Variants in CALN1 observed in about 807,000 individuals in gnomAD.
CALN1 encodes the protein calcium-binding protein 8.
A neutral mutation model predicts 30.6 loss-of-function variants in CALN1; 17 were observed. That is an observed-to-expected ratio of 0.56 (90% CI 0.38 to 0.83). The LOEUF (loss-of-function observed/expected upper bound fraction) is 0.83. CALN1 is among the 40% of genes least tolerant of loss of function. The probability of loss-of-function intolerance (pLI) is 0.00; values close to 1 mark genes in which losing one functional copy is unlikely to be tolerated. For missense variants in CALN1, 291 were observed against 354.9 expected, an observed-to-expected ratio of 0.82 and a Z score of 1.45; for synonymous variants, 156 against 131.4, an observed-to-expected ratio of 1.19 and a Z score of -1.28.
the CALN1 span, among the ~76,000 whole-genome samples, chr7:72,467,484 C>T: frequency 6.6e-6 from 1 of 152,198 alleles, no homozygotes; most frequent in South Asian, 2.1e-4. Context: ...CCGGAGAGAG[C>T]CTTATAAAAC....
intron 5 of CALN1, among the ~76,000 whole-genome samples, chr7:71,939,252 A>G (rs996124067): frequency 5.9e-5 from 9 of 151,976 alleles, no homozygotes; most frequent in Non-Finnish European, 8.8e-5. Context: ...CCACAGTCTC[A>G]ATACACTTAA....
chr7:71,813,156 C>T (rs1788064051), intron 5 of CALN1, among the ~76,000 whole-genome samples: 2 of 148,910 alleles, frequency 1.3e-5, no homozygotes, highest in South Asian at 4.3e-4. Flanking sequence ...GCTATGTTGC[C>T]TGCCTCAGAC....
chr7:72,332,500 G>A (rs1801743341), intron 2 of CALN1, among the ~76,000 whole-genome samples: 1 of 151,618 alleles, frequency 6.6e-6, no homozygotes, highest in African/African-American at 2.4e-5. Flanking sequence ...CAGCTACTTG[G>A]ACCAAATTGA....
At chr7:72,063,054 A>G (rs1803773505) in intron 4 of CALN1, among the ~76,000 whole-genome samples, 1 of 152,196 alleles carries the variant, frequency 6.6e-6, no homozygotes, top group Non-Finnish European at 1.5e-5. Flanking sequence ...AAAAACACCT[A>G]GAGTCTAATA....
intron 1 of CALN1, among the ~76,000 whole-genome samples, chr7:72,405,888 C>G (rs1453719472): frequency 6.6e-6 from 1 of 152,156 alleles, no homozygotes; most frequent in Non-Finnish European, 1.5e-5. Flanking sequence ...TCAGGTCCCC[C>G]CAGGCAGTGT....
At chr7:72,445,537 C>T (rs917444629) in intron 1 of CALN1, among the ~76,000 whole-genome samples, 3 of 152,196 alleles carry the variant, frequency 2.0e-5, no homozygotes, top group African/African-American at 7.2e-5. Context: ...GGAAACATCT[C>T]TCCCGGGGTT....
intron 2 of CALN1, among the ~76,000 whole-genome samples, chr7:72,283,054 C>CA (rs34378708): frequency 0.032 from 3,972 of 122,260 alleles, 94 homozygotes; most frequent in Admixed American, 0.082. Flanking sequence ...GACTCCATCT[C>CA]AAAAAAAAAA....
Position 72,184,955 on chromosome 7 carries a change from C to T in CALN1, c.245-78661G>A, listed in dbSNP as rs185665971. Among the ~76,000 whole-genome samples the T allele has an allele frequency of 1.2e-4, 19 of 152,056 alleles. No individual in the cohort carries two copies. In the East Asian group the frequency reaches 3.3e-3, roughly 26 times the overall value. Reference sequence around the variant, plus strand: ...TACAGGTGCACATCAACAAGCCCGGCTAATTTTTATTTTATTTTAATTTTT... The same window carrying T: ...TACAGGTGCACATCAACAAGCCCGGTTAATTTTTATTTTATTTTAATTTTT... On this transcript the variant is annotated intron_variant, in intron 3 of 6. Coordinates refer to ENST00000395275, the MANE Select transcript of CALN1 (RefSeq NM_031468.4).
At chr7:72,308,990 A>G (rs1236122700) in intron 2 of CALN1, among the ~76,000 whole-genome samples, 1 of 152,222 alleles carries the variant, frequency 6.6e-6, no homozygotes, top group Non-Finnish European at 1.5e-5. Context: ...AATGTTAAGT[A>G]ATGTCTCAGT....
intron 5 of CALN1, among the ~76,000 whole-genome samples, chr7:71,918,850 C>T (rs574143676): frequency 6.6e-6 from 1 of 152,290 alleles, no homozygotes; most frequent in South Asian, 2.1e-4. Flanking sequence ...GAGACACTCC[C>T]AGACCTCCTC....
intron 5 of CALN1, among the ~76,000 whole-genome samples, chr7:71,843,258 C>T (rs1790040207): frequency 6.6e-6 from 1 of 152,080 alleles, no homozygotes; most frequent in Admixed American, 6.6e-5. Context: ...CAATGGAGCA[C>T]CATCTTGAAT....
intron 3 of CALN1, among the ~76,000 whole-genome samples, chr7:72,245,015 C>G (rs562549751): frequency 1.3e-5 from 2 of 152,100 alleles, no homozygotes; most frequent in Non-Finnish European, 2.9e-5. Context: ...ATGAGGAAAA[C>G]AGAACAGGAC....
the CALN1 span, among the ~76,000 whole-genome samples, chr7:72,476,819 A>C: frequency 6.6e-5 from 10 of 152,252 alleles, no homozygotes; most frequent in Admixed American, 6.5e-4. Flanking sequence ...ACAGGGGCAG[A>C]GTCCCCTGCT....
chr7:72,205,288 C>T (rs910659853), intron 3 of CALN1, among the ~76,000 whole-genome samples: 3 of 151,496 alleles, frequency 2.0e-5, no homozygotes, highest in African/African-American at 7.3e-5. Context: ...CCGCAACCTC[C>T]GCCTCCCAGG....
the CALN1 span, among the ~76,000 whole-genome samples, chr7:72,459,663 T>C: frequency 7.0e-4 from 102 of 144,792 alleles, no homozygotes; most frequent in African/African-American, 1.8e-3. Context: ...CCAACCTAAA[T>C]GTGGAAATAA....
intron 5 of CALN1, among the ~76,000 whole-genome samples, chr7:71,842,194 C>T (rs1008800340): frequency 6.6e-6 from 1 of 152,142 alleles, no homozygotes; most frequent in Non-Finnish European, 1.5e-5. Context: ...CCCGAGTAAA[C>T]TCTTTGACAA....
At chr7:72,166,186 T>A (rs1283908870) in intron 3 of CALN1, among the ~76,000 whole-genome samples, 1 of 152,108 alleles carries the variant, frequency 6.6e-6, no homozygotes, top group East Asian at 1.9e-4. Flanking sequence ...TTTGCCCTGG[T>A]TCAGGTTTCT....
intron 1 of CALN1, among the ~76,000 whole-genome samples, chr7:72,441,395 C>T (rs1379599171): frequency 1.3e-5 from 2 of 151,736 alleles, no homozygotes; most frequent in South Asian, 2.1e-4. Context: ...GTCAGGAGTT[C>T]GAGACCAGCC....
At chr7:72,246,720 G>C (rs1277888873) in intron 3 of CALN1, among the ~76,000 whole-genome samples, 1 of 149,334 alleles carries the variant, frequency 6.7e-6, no homozygotes, top group Admixed American at 6.7e-5. Context: ...CATCCTCACA[G>C]TTAGGCCAAT....
Sources: gnomAD v4.1 joint callset for allele counts (sites outside exome capture counted in the v4.1 genomes callset) on GRCh38, gnomAD v4.1.1 for gene constraint, MANE v1.5 for transcripts, NCBI Gene and HGNC (gene_info 2026-07-23, HGNC 2026-07-21) for gene names.